DLG2: variants seen among roughly 807,000 people sequenced by gnomAD.
The protein encoded by DLG2 is discs large MAGUK scaffold protein 2, also known as disks large homolog 2.
DLG2 carries 45 observed loss-of-function variants against 132.5 expected under a neutral mutation model. The ratio of observed to expected loss-of-function variants is 0.34; its 90% confidence interval spans 0.27 to 0.44. DLG2 has a LOEUF of 0.44. Among genes scored for constraint, DLG2 ranks in the 20% least tolerant of loss-of-function variants. The pLI is 1.00. For missense variants in DLG2, 1,045 were observed against 1,196.9 expected (o/e 0.87, Z 1.87); for synonymous variants, 424 against 419.6 (o/e 1.01, Z -0.13).
chr11:84,175,243 A>G (rs1411111352), intron 8 of DLG2, among the ~76,000 whole-genome samples: 13 of 152,140 alleles, frequency 8.5e-5, no homozygotes, highest in African/African-American at 3.1e-4. Flanking sequence ...TCCTCTTGCC[A>G]GCTCCTCACA....
intron 7 of DLG2, among the ~76,000 whole-genome samples, chr11:84,428,894 A>G (rs543814): frequency 0.17 from 25,266 of 152,112 alleles, 2,170 homozygotes; most frequent in Middle Eastern, 0.2. Context: ...GGAAAATTTT[A>G]GTTTGATGTC....
At chr11:84,361,283 C>G (rs1356823048) in intron 7 of DLG2, among the ~76,000 whole-genome samples, 1 of 151,890 alleles carries the variant, frequency 6.6e-6, no homozygotes, top group Non-Finnish European at 1.5e-5. Flanking sequence ...AACCATACAT[C>G]ATGATCAAAT....
At chr11:84,793,491 A>C (rs1212205851) in intron 6 of DLG2, among the ~76,000 whole-genome samples, 1 of 152,224 alleles carries the variant, frequency 6.6e-6, no homozygotes, top group East Asian at 1.9e-4. Flanking sequence ...CAATGTTGAC[A>C]GTGGAGTGTT....
chr11:83,567,957 G>C (rs768490822), intron 19 of DLG2, among the ~76,000 whole-genome samples: 3 of 152,106 alleles, frequency 2.0e-5, no homozygotes, highest in Non-Finnish European at 4.4e-5. Context: ...CAGGAAATGA[G>C]GGACTCTTTC....
chr11:85,499,541 T>C (rs1221066045), intron 3 of DLG2, among the ~76,000 whole-genome samples: 2 of 152,198 alleles, frequency 1.3e-5, no homozygotes, highest in Non-Finnish European at 2.9e-5. Flanking sequence ...TACCATTCCT[T>C]CTGAAACTAT....
chr11:84,869,380 C>T (rs1277378380), intron 6 of DLG2, among the ~76,000 whole-genome samples: 2 of 152,190 alleles, frequency 1.3e-5, no homozygotes, highest in African/African-American at 2.4e-5. Context: ...ACTGCCTTCA[C>T]ATGTCACGGG....
intron 6 of DLG2, among the ~76,000 whole-genome samples, chr11:84,819,879 G>A (rs1029598877): frequency 3.3e-5 from 5 of 151,722 alleles, no homozygotes; most frequent in Admixed American, 2.0e-4. Context: ...CATCATTACT[G>A]TAGGAGTGAA....
At chr11:84,356,288 C>G (rs1334661644) in intron 7 of DLG2, among the ~76,000 whole-genome samples, 1 of 152,102 alleles carries the variant, frequency 6.6e-6, no homozygotes, top group African/African-American at 2.4e-5. Context: ...TATTCATTCA[C>G]AAACATTTAC....
chr11:84,078,471 A>G lies in DLG2; in HGVS notation c.750-18987T>C, dbSNP rs569539221. On this transcript the variant is annotated intron_variant, in intron 10 of 27. Transcript: ENST00000376104. ...CTCATGCCAGGCAACAGTATTTCAGATTGTTTCTTTATATCTAGGACAATG... is the reference window on the plus strand; with the variant it reads ...CTCATGCCAGGCAACAGTATTTCAGGTTGTTTCTTTATATCTAGGACAATG... Among the ~76,000 whole-genome samples, 286 of 152,326 alleles carry G rather than the reference A, an allele frequency of 1.9e-3. 1 individual carries two copies. The highest frequency in any genetic ancestry group is 6.5e-3 in the African/African-American group (269 of 41,574).
intron 19 of DLG2, among the ~76,000 whole-genome samples, chr11:83,604,165 A>T (rs920221889): frequency 6.6e-5 from 10 of 152,208 alleles, no homozygotes; most frequent in African/African-American, 2.2e-4. Flanking sequence ...CAGCACTGTG[A>T]TGATGAAGGC....
intron 3 of DLG2, among the ~76,000 whole-genome samples, chr11:85,379,473 C>T (rs192603845): frequency 1.2e-4 from 19 of 152,232 alleles, no homozygotes; most frequent in East Asian, 1.9e-4. Context: ...AAGAGTGGAA[C>T]GATAATTTGT....
chr11:84,975,797 G>A (rs2054817227), intron 6 of DLG2, among the ~76,000 whole-genome samples: 1 of 152,122 alleles, frequency 6.6e-6, no homozygotes, highest in African/African-American at 2.4e-5. Flanking sequence ...TTCCTCTCCT[G>A]GTCCTCCAGC....
chr11:83,972,546 C>T (rs1303826663), intron 12 of DLG2, among the ~76,000 whole-genome samples: 1 of 152,110 alleles, frequency 6.6e-6, no homozygotes, highest in Non-Finnish European at 1.5e-5. Flanking sequence ...GAATGATCTT[C>T]TCAAGGGCAA....
intron 11 of DLG2, among the ~76,000 whole-genome samples, chr11:84,020,071 A>G (rs555443229): frequency 2.0e-5 from 3 of 152,084 alleles, no homozygotes; most frequent in Non-Finnish European, 4.4e-5. Flanking sequence ...TCAGGACTAG[A>G]GGTGGCCAGG....
intron 10 of DLG2, among the ~76,000 whole-genome samples, chr11:84,098,044 TTTTTTTTTC>T (rs2097190658): frequency 6.7e-6 from 1 of 149,656 alleles, no homozygotes; most frequent in African/African-American, 2.5e-5. Flanking sequence ...CCTTTTTTTT[TTTTTTTTTC>T]TTTTTTGCTT....
At chr11:83,742,522 C>T in intron 18 of DLG2, among the ~76,000 whole-genome samples, 1 of 152,128 alleles carries the variant, frequency 6.6e-6, no homozygotes, top group East Asian at 1.9e-4. Context: ...TGACTTTGCA[C>T]CCACCTCTGC....
chr11:84,126,039 T>C (rs1305120173), intron 9 of DLG2, among the ~76,000 whole-genome samples: 1 of 152,198 alleles, frequency 6.6e-6, no homozygotes, highest in Non-Finnish European at 1.5e-5. Context: ...GCATTTTTAC[T>C]TTGCCATCTC....
intron 3 of DLG2, among the ~76,000 whole-genome samples, chr11:85,337,087 C>T (rs890504581): frequency 2.0e-5 from 3 of 152,088 alleles, no homozygotes; most frequent in Non-Finnish European, 4.4e-5. Context: ...TTGCGTAGTT[C>T]AATAAAGTTT....
At chr11:84,318,941 TGAA>T (rs2098386463) in intron 7 of DLG2, among the ~76,000 whole-genome samples, 1 of 152,118 alleles carries the variant, frequency 6.6e-6, no homozygotes, top group African/African-American at 2.4e-5. Context: ...AATAGAGAAA[TGAA>T]GGAGTTGATA....
Sources: allele counts gnomAD v4.1 joint callset (sites outside exome capture counted in the v4.1 genomes callset), GRCh38; gene constraint gnomAD v4.1.1; transcripts MANE v1.5; gene names NCBI Gene and HGNC (gene_info 2026-07-23, HGNC 2026-07-21).